The following S100PBP variants were observed in gnomAD, a reference collection of about 807,000 sequenced individuals.
S100PBP encodes the protein S100P-binding protein.
Under a neutral mutation model 39.9 loss-of-function variants are expected in S100PBP, and 15 were observed. The ratio of observed to expected loss-of-function variants is 0.38; its 90% CI spans 0.25 to 0.58. The LOEUF is 0.58. S100PBP is among the 20% of genes least tolerant of loss of function. The probability of loss-of-function intolerance (pLI) is 0.70; values close to 1 mark genes in which losing one functional copy is unlikely to be tolerated. For synonymous variants in S100PBP, 178 were observed against 180.3 expected, an observed-to-expected ratio of 0.99 and a Z score of 0.10; for missense variants, 504 against 487.3, an observed-to-expected ratio of 1.03 and a Z score of -0.32.
chr1:32,835,478 A>G (rs1158397240), intron 5 of S100PBP: 2 of 152,204 alleles, frequency 1.3e-5, no homozygotes, highest in Non-Finnish European at 2.9e-5. Flanking sequence ...AATGTTACAT[A>G]TATTCACATT....
chr1:32,830,075 G>C lies in S100PBP; in HGVS notation c.1024+8G>C. The stretch of plus-strand genomic sequence containing the variant: ...CAGAGGACACTAACCAAGGTAACAT[G>C]GTACCCAGAGAAAGGCATATAAAAC... On this transcript the variant is annotated splice_region_variant and intron_variant, in intron 5 of 6. Transcript: ENST00000373475. 1 of 1,544,362 alleles carries C rather than the reference G, an allele frequency of 6.5e-7. No homozygotes were observed. Among genetic ancestry groups the C allele is most frequent in the Non-Finnish European group, 8.9e-7 (1 of 1,117,640 alleles).
At chr1:32,836,487 A>G in intron 5 of S100PBP, 1 of 929,100 alleles carries the variant, frequency 1.1e-6, no homozygotes, top group Non-Finnish European at 1.3e-6. Flanking sequence ...AGGGTGTTAA[A>G]TCAGTATTCA....
intron 5 of S100PBP, among the ~76,000 whole-genome samples, chr1:32,831,621 C>G (rs1182695860): frequency 6.6e-6 from 1 of 151,970 alleles, no homozygotes; most frequent in Non-Finnish European, 1.5e-5. Flanking sequence ...ATATTACTTA[C>G]ACTGATTTCT....
chr1:32,818,760 A>G (rs1638887909), intron 1 of S100PBP: 1 of 152,122 alleles, frequency 6.6e-6, no homozygotes, highest in Non-Finnish European at 1.5e-5. Flanking sequence ...TGTTACAGAT[A>G]ATTTCAGTTC....
intron 5 of S100PBP, among the ~76,000 whole-genome samples, chr1:32,846,628 TG>T (rs1445279239): frequency 6.6e-6 from 1 of 151,952 alleles, no homozygotes; most frequent in Non-Finnish European, 1.5e-5. Flanking sequence ...ATTATGGAGA[TG>T]GGATCTCACT....
intron 1 of S100PBP, among the ~76,000 whole-genome samples, chr1:32,819,321 A>G (rs1332061681): frequency 6.6e-6 from 1 of 152,180 alleles, no homozygotes; most frequent in Non-Finnish European, 1.5e-5. Context: ...TAATCCCAGC[A>G]CTTGGGGAGG....
intron 6 of S100PBP, 24 bp from the exon 7 acceptor site, chr1:32,855,900 T>C (rs1640800312): frequency 1.3e-6 from 2 of 1,562,208 alleles, no homozygotes; most frequent in Admixed American, 1.7e-5. Context: ...AGCCTTCCTG[T>C]TTGTACTCTC....
intron 5 of S100PBP, chr1:32,836,653 C>T (rs911428669): frequency 1.2e-6 from 1 of 837,426 alleles, no homozygotes; most frequent in Non-Finnish European, 1.4e-6. Flanking sequence ...TTCCTAGAGC[C>T]TTCTGTTCTA....
intron 6 of S100PBP, 42 bp from the exon 7 acceptor site, chr1:32,855,882 G>A: frequency 7.2e-7 from 1 of 1,397,462 alleles, no homozygotes; most frequent in Non-Finnish European, 1.0e-6. Context: ...AGCCATTCTA[G>A]TTGAAATAGC....
At chr1:32,839,238 T>C (rs960489671) in intron 5 of S100PBP, among the ~76,000 whole-genome samples, 1 of 152,258 alleles carries the variant, frequency 6.6e-6, no homozygotes, top group Non-Finnish European at 1.5e-5. Context: ...AAAGTGGTAT[T>C]TGTCTTTTCG....
At chr1:32,842,128 G>A (rs1291239907) in intron 5 of S100PBP, among the ~76,000 whole-genome samples, 3 of 139,472 alleles carry the variant, frequency 2.2e-5, no homozygotes, top group African/African-American at 8.2e-5. Context: ...GAGGGAGGTT[G>A]CATTGATGCA....
intron 5 of S100PBP, among the ~76,000 whole-genome samples, chr1:32,841,363 ATTTT>A (rs1181628071): frequency 6.6e-6 from 1 of 151,872 alleles, no homozygotes; most frequent in Non-Finnish European, 1.5e-5. Flanking sequence ...AAGTTTGTTT[ATTTT>A]TATTTATTTA....
intron 5 of S100PBP, among the ~76,000 whole-genome samples, chr1:32,832,869 T>C (rs185477541): frequency 2.2e-4 from 33 of 152,340 alleles, no homozygotes; most frequent in Admixed American, 7.2e-4. Context: ...GTTAGTTATC[T>C]CTTTTCACTT....
intron 6 of S100PBP, among the ~76,000 whole-genome samples, chr1:32,855,569 T>C (rs1242852238): frequency 1.3e-5 from 2 of 152,218 alleles, no homozygotes; most frequent in African/African-American, 4.8e-5. Context: ...CAATAAAATA[T>C]AGATCCTATC....
rs1331847389 is a variant in S100PBP at position 32,824,868 on chromosome 1, A to G, written c.-119-445A>G. On this transcript the variant is annotated intron_variant, in intron 1 of 6. Coordinates refer to ENST00000373475, the MANE Select transcript of S100PBP (RefSeq NM_022753.4). The stretch of plus-strand genomic sequence containing the variant: ...TATAAAGATTTGTGTGTGTGTGATC[A>G]TGATTAATTTTTAGATTTTTGGTGG... 7 of 139,838 alleles carry G rather than the reference A, an allele frequency of 5.0e-5. No individual in the cohort carries two copies. In the East Asian group the frequency reaches 6.1e-4, roughly 12 times the overall value. 8.7% of individuals were successfully genotyped at this position (139,838 alleles called of 1,614,324 possible).
At chr1:32,819,340 G>A (rs375033496) in intron 1 of S100PBP, among the ~76,000 whole-genome samples, 21 of 152,324 alleles carry the variant, frequency 1.4e-4, no homozygotes, top group African/African-American at 4.3e-4. Context: ...GGCCGAGGCC[G>A]GAGGATTGCT....
chr1:32,838,127 G>T (rs1639916497), intron 5 of S100PBP, among the ~76,000 whole-genome samples: 1 of 151,878 alleles, frequency 6.6e-6, no homozygotes, highest in African/African-American at 2.4e-5. Context: ...GGATCACGAG[G>T]TCAGGAGATC....
intron 1 of S100PBP, chr1:32,818,274 C>A (rs1332377527): frequency 6.6e-6 from 1 of 152,234 alleles, no homozygotes; most frequent in South Asian, 2.1e-4. Context: ...GACGCAAAGG[C>A]CCTTCCTGGA....
rs772913814 is a variant in S100PBP at position 32,853,064 on chromosome 1, C to T, written c.1025-15C>T. The T allele has an allele frequency of 3.2e-6, 5 of 1,587,112 alleles. No homozygotes were observed. The South Asian group carries it at 4.4e-5, about 14-fold the overall frequency. ...CACTCAGCTGTTCCTAACCACTGAT[C>T]CCTCTGTATCACAGGTATCTCGGGG... is the stretch of plus-strand genomic sequence containing the variant. On this transcript the variant is annotated splice_polypyrimidine_tract_variant and intron_variant, in intron 5 of 6. Transcript: ENST00000373475.
Sources: gnomAD v4.1 joint callset for allele counts (sites outside exome capture counted in the v4.1 genomes callset) on GRCh38, gnomAD v4.1.1 for gene constraint, MANE v1.5 for transcripts, NCBI Gene and HGNC (gene_info 2026-07-23, HGNC 2026-07-21) for gene names.